Variants in TP63 observed in about 807,000 individuals in gnomAD.
The protein encoded by TP63 is tumor protein 63.
A neutral mutation model predicts 82.8 loss-of-function variants in TP63; 17 were observed. That is an observed-to-expected ratio of 0.21 (90% confidence interval 0.14 to 0.31). The LOEUF (loss-of-function observed/expected upper bound fraction) is 0.31. Among genes scored for constraint, TP63 ranks in the 10% least tolerant of loss-of-function variants. The pLI, the probability that TP63 is intolerant of heterozygous loss-of-function variation, is 1.00. For synonymous variants in TP63, 330 were observed against 321.7 expected (o/e 1.03, Z -0.28); for missense variants, 648 against 895.3 (o/e 0.72, Z 3.52).
intron 3 of TP63, among the ~76,000 whole-genome samples, chr3:189,757,188 G>A (rs889030771): frequency 7.9e-5 from 12 of 152,126 alleles, no homozygotes; most frequent in Non-Finnish European, 2.9e-5. Flanking sequence ...TTCATCAGTG[G>A]TGACTTCTCC....
At chr3:189,874,626 A>C (rs1280649495) in intron 10 of TP63, among the ~76,000 whole-genome samples, 4 of 152,210 alleles carry the variant, frequency 2.6e-5, no homozygotes, top group Non-Finnish European at 5.9e-5. Flanking sequence ...GTTTAATCAC[A>C]CAGTGTATTC....
chr3:189,724,886 C>T lies in TP63; in HGVS notation c.63-12854C>T, dbSNP rs115680495. Reference sequence around the variant, plus strand: ...TCAGGCAGTGGGGTGGATGGGGGTACGGGAGAGACTAACAATCAACATGTA... The same window carrying T: ...TCAGGCAGTGGGGTGGATGGGGGTATGGGAGAGACTAACAATCAACATGTA... On this transcript the variant is annotated intron_variant, in intron 1 of 13. Coordinates refer to ENST00000264731, the MANE Select transcript of TP63 (RefSeq NM_003722.5). 5.3e-3 allele frequency among the ~76,000 whole-genome samples: 805 copies of T among 152,084 alleles called. 8 individuals are homozygous for T. Among genetic ancestry groups the T allele is most frequent in the African/African-American group, 0.017 (725 of 41,470 alleles).
At chr3:189,783,087 A>G (rs1263654613) in intron 3 of TP63, among the ~76,000 whole-genome samples, 1 of 151,980 alleles carries the variant, frequency 6.6e-6, no homozygotes, top group Non-Finnish European at 1.5e-5. Context: ...TATAGCGGTA[A>G]AGAAAAATCG....
intron 1 of TP63, among the ~76,000 whole-genome samples, chr3:189,699,991 C>A (rs1385734425): frequency 6.6e-6 from 1 of 152,158 alleles, no homozygotes; most frequent in African/African-American, 2.4e-5. Flanking sequence ...TGCGCTGATG[C>A]TGTTTGGTGA....
At chr3:189,714,159 A>ATGTGTG (rs1247092833) in intron 1 of TP63, among the ~76,000 whole-genome samples, 1 of 152,132 alleles carries the variant, frequency 6.6e-6, no homozygotes, top group Non-Finnish European at 1.5e-5. Flanking sequence ...GTGTATGTGT[A>ATGTGTG]TGTATGTGTG....
intron 1 of TP63, among the ~76,000 whole-genome samples, chr3:189,667,998 A>C (rs1470041900): frequency 6.6e-6 from 1 of 152,138 alleles, no homozygotes; most frequent in East Asian, 1.9e-4. Context: ...CCTACCCAAG[A>C]GTAAGGCCTA....
At chr3:189,754,245 G>A (rs996750506) in intron 3 of TP63, among the ~76,000 whole-genome samples, 6 of 152,048 alleles carry the variant, frequency 3.9e-5, no homozygotes, top group African/African-American at 1.4e-4. Flanking sequence ...ATTGATCAAA[G>A]TTTTATAAAT....
the TP63 span, among the ~76,000 whole-genome samples, chr3:189,600,596 C>T: frequency 6.6e-6 from 1 of 152,148 alleles, no homozygotes; most frequent in Non-Finnish European, 1.5e-5. Flanking sequence ...AATTCATTCT[C>T]TTTGTTATTA....
At chr3:189,814,014 G>A (rs928357197) in intron 4 of TP63, among the ~76,000 whole-genome samples, 17 of 152,282 alleles carry the variant, frequency 1.1e-4, no homozygotes, top group Middle Eastern at 3.4e-3. Flanking sequence ...GGGAGGTGGC[G>A]TTTGAAAGGG....
intron 4 of TP63, among the ~76,000 whole-genome samples, chr3:189,816,785 G>C (rs763159519): frequency 2.6e-5 from 4 of 152,142 alleles, no homozygotes; most frequent in African/African-American, 9.7e-5. Flanking sequence ...ACACAGAGGC[G>C]TAAAGGTAAT....
chr3:189,794,085 C>G (rs1725444051), intron 3 of TP63, among the ~76,000 whole-genome samples: 1 of 151,954 alleles, frequency 6.6e-6, no homozygotes, highest in Admixed American at 6.6e-5. Flanking sequence ...AATGGGCCAC[C>G]ACTCTAAACA....
chr3:189,849,563 A>T (rs1451759795), intron 4 of TP63, among the ~76,000 whole-genome samples: 2 of 152,112 alleles, frequency 1.3e-5, no homozygotes, highest in Non-Finnish European at 2.9e-5. Flanking sequence ...GAAAAAACAC[A>T]GTTTGAGCAT....
intron 1 of TP63, among the ~76,000 whole-genome samples, chr3:189,665,394 C>T (rs10937405): frequency 0.38 from 57,498 of 151,848 alleles, 11,408 homozygotes; most frequent in Non-Finnish European, 0.43. Flanking sequence ...ATTATAATCT[C>T]GTGTTCAAAC....
At chr3:189,881,559 A>T in intron 10 of TP63, 1 of 977,944 alleles carries the variant, frequency 1.0e-6, no homozygotes, top group Non-Finnish European at 1.2e-6. Context: ...GAATATTCTC[A>T]TGTAAGTGCT....
chr3:189,692,119 G>A (rs1716984979), intron 1 of TP63, among the ~76,000 whole-genome samples: 1 of 152,152 alleles, frequency 6.6e-6, no homozygotes, highest in Non-Finnish European at 1.5e-5. Context: ...CAGCAACTGT[G>A]AGGTAACACT....
At chr3:189,885,481 TG>T (rs1472300932) in intron 10 of TP63, among the ~76,000 whole-genome samples, 1 of 152,244 alleles carries the variant, frequency 6.6e-6, no homozygotes, top group Non-Finnish European at 1.5e-5. Context: ...GTAGCTCGCA[TG>T]GGCATCTATA....
At chr3:189,871,855 G>A (rs1442105874) in intron 9 of TP63, among the ~76,000 whole-genome samples, 1 of 152,144 alleles carries the variant, frequency 6.6e-6, no homozygotes, top group African/African-American at 2.4e-5. Flanking sequence ...CCAGGTAGCT[G>A]GGACCACAGG....
At chr3:189,691,866 A>G (rs17445898) in intron 1 of TP63, among the ~76,000 whole-genome samples, 2,522 of 152,344 alleles carry the variant, frequency 0.017, 28 homozygotes, top group Middle Eastern at 0.051. Flanking sequence ...ATAGAAACAT[A>G]GAATATCGTA....
At chr3:189,666,295 G>T (rs953722824) in intron 1 of TP63, among the ~76,000 whole-genome samples, 1 of 152,010 alleles carries the variant, frequency 6.6e-6, no homozygotes, top group Non-Finnish European at 1.5e-5. Flanking sequence ...CCCTTTAACA[G>T]AGAAACTCCA....
Sources: allele counts gnomAD v4.1 joint callset (sites outside exome capture counted in the v4.1 genomes callset), GRCh38; gene constraint gnomAD v4.1.1; transcripts MANE v1.5; gene names NCBI Gene and HGNC (gene_info 2026-07-23, HGNC 2026-07-21).